The following XPR1 variants were observed in gnomAD, a reference collection of about 807,000 sequenced individuals.
XPR1 encodes the protein xenotropic and polytropic retrovirus receptor 1.
A neutral mutation model predicts 87.5 loss-of-function variants in XPR1; 28 were observed. The ratio of observed to expected loss-of-function variants is 0.32; its 90% CI spans 0.24 to 0.44. The LOEUF is 0.44. XPR1 is among the 20% of genes least tolerant of loss of function. XPR1 has a pLI of 1.00. For missense variants in XPR1, 559 were observed against 862.3 expected (o/e 0.65, Z 4.41); for synonymous variants, 300 against 306.1 (o/e 0.98, Z 0.21).
At chr1:180,769,968 T>G (rs575511149) in intron 2 of XPR1, among the ~76,000 whole-genome samples, 2 of 152,340 alleles carry the variant, frequency 1.3e-5, no homozygotes, top group East Asian at 3.9e-4. Context: ...ATATAAGCCC[T>G]TTTAACTGGG....
chr1:180,765,319 G>A (rs1421061738), intron 2 of XPR1, among the ~76,000 whole-genome samples: 1 of 152,160 alleles, frequency 6.6e-6, no homozygotes, highest in African/African-American at 2.4e-5. Context: ...TTGCCTCAAT[G>A]CCAGCCAATC....
At chr1:180,698,787 T>A (rs1420839045) in intron 2 of XPR1, among the ~76,000 whole-genome samples, 1 of 152,178 alleles carries the variant, frequency 6.6e-6, no homozygotes, top group Admixed American at 6.6e-5. Context: ...GGCATAGTAT[T>A]CTTGGCTGGC....
chr1:180,825,922 TG>T (rs986846795), intron 9 of XPR1, among the ~76,000 whole-genome samples: 4 of 152,130 alleles, frequency 2.6e-5, no homozygotes, highest in African/African-American at 9.7e-5. Context: ...TGGTGGCCCA[TG>T]CCTGTAATCC....
At chr1:180,744,770 C>T (rs1659033089) in intron 2 of XPR1, among the ~76,000 whole-genome samples, 2 of 150,298 alleles carry the variant, frequency 1.3e-5, no homozygotes, top group South Asian at 2.1e-4. Context: ...CCAGCCTTAG[C>T]CTCTTGAGTA....
chr1:180,883,685 G>A (rs1571258894), intron 14 of XPR1, among the ~76,000 whole-genome samples: 1 of 143,958 alleles, frequency 6.9e-6, no homozygotes, highest in Non-Finnish European at 1.5e-5. Flanking sequence ...CTCCAGCCTG[G>A]CGACAGAGCG....
At position 180,884,170 on chromosome 1, in the gene XPR1, A is replaced by C; in HGVS notation, c.*104A>C. On this transcript the variant is annotated 3_prime_UTR_variant, in exon 15 of 15. Coordinates refer to ENST00000367590, the MANE Select transcript of XPR1 (RefSeq NM_004736.4). ...TTTCCAGCCGAAAACAGGAGAAAAC[A>C]CATAACACATTTTCCGAGCTCTTCC... 2 of 942,306 alleles carry C rather than the reference A, an allele frequency of 2.1e-6. No homozygotes were observed. The highest frequency in any genetic ancestry group is 3.2e-6 in the Non-Finnish European group (2 of 629,796). 58.4% of individuals were successfully genotyped at this position (942,306 alleles called of 1,614,324 possible). A position where few individuals can be genotyped will look rare whatever the true frequency, so the allele number is the denominator to read the frequency against.
At chr1:180,753,057 G>A (rs888882144) in intron 2 of XPR1, among the ~76,000 whole-genome samples, 1 of 152,174 alleles carries the variant, frequency 6.6e-6, no homozygotes, top group Non-Finnish European at 1.5e-5. Flanking sequence ...TGTGTTGGCA[G>A]CATGATCTGA....
intron 11 of XPR1, among the ~76,000 whole-genome samples, chr1:180,842,141 G>A (rs185201778): frequency 2.1e-4 from 32 of 152,278 alleles, no homozygotes; most frequent in African/African-American, 7.0e-4. Flanking sequence ...TATGTGTACT[G>A]TTACAAAGGA....
At chr1:180,857,957 C>A (rs990832856) in intron 11 of XPR1, among the ~76,000 whole-genome samples, 1 of 152,168 alleles carries the variant, frequency 6.6e-6, no homozygotes, top group African/African-American at 2.4e-5. Flanking sequence ...TGGCTCACAC[C>A]TGTAATCCCA....
At position 180,632,279 on chromosome 1, in the gene XPR1, A is replaced by G. The variant is rs2101887044; in HGVS notation, c.69+9A>G. 6.2e-7 allele frequency: 1 copy of G among 1,610,366 alleles called. No homozygotes were observed. Among genetic ancestry groups the G allele is most frequent in the African/African-American group, 1.3e-5 (1 of 74,958 alleles). ...AATACATCCAGTATGAGGTACCGGC[A>G]CGGCTGGGGTGTGGGAGGACTCGGA... On this transcript the variant is annotated intron_variant, in intron 1 of 14. Coordinates refer to ENST00000367590, the MANE Select transcript of XPR1 (RefSeq NM_004736.4).
intron 2 of XPR1, among the ~76,000 whole-genome samples, chr1:180,698,254 A>C (rs920878016): frequency 1.3e-5 from 2 of 151,882 alleles, no homozygotes; most frequent in Non-Finnish European, 2.9e-5. Flanking sequence ...ACTCCTGCTC[A>C]CTTTTGGTTT....
chr1:180,710,473 C>G (rs1657725323), intron 2 of XPR1, among the ~76,000 whole-genome samples: 1 of 152,130 alleles, frequency 6.6e-6, no homozygotes, highest in Non-Finnish European at 1.5e-5. Context: ...ATCCCTTTAA[C>G]CCTGAGTGGA....
chr1:180,753,514 A>G (rs1405279399), intron 2 of XPR1, among the ~76,000 whole-genome samples: 3 of 151,850 alleles, frequency 2.0e-5, no homozygotes, highest in South Asian at 2.1e-4. Context: ...AGATCGTGCC[A>G]CTGTACTCCA....
intron 12 of XPR1, among the ~76,000 whole-genome samples, chr1:180,865,210 C>A (rs765101806): frequency 9.9e-5 from 15 of 151,878 alleles, no homozygotes; most frequent in Admixed American, 8.5e-4. Context: ...TAGCAATACC[C>A]CCAATGTGAG....
rs71297873 is a variant in XPR1 at position 180,748,400 on chromosome 1, C to CTTTTTTTTTTTTTTTTTTTTTTTTTT, written c.122-39343_122-39318dup. On this transcript the variant is annotated intron_variant, in intron 2 of 14. Transcript: ENST00000367590. ...TGCTACTCTGTGTTATTATTTATGT[C>CTTTTTTTTTTTTTTTTTTTTTTTTTT]TTTTTTTTTTTTTTTTTTTTTTTTT... Among the ~76,000 whole-genome samples, 13 of 29,678 alleles carry CTTTTTTTTTTTTTTTTTTTTTTTTTT rather than the reference C, an allele frequency of 4.4e-4. 3 individuals carry two copies. Among genetic ancestry groups the CTTTTTTTTTTTTTTTTTTTTTTTTTT allele is most frequent in the African/African-American group, 5.6e-4 (6 of 10,720 alleles). The allele number at this position is 29,678 out of a possible 152,430, so 19.5% of individuals were successfully genotyped here. A position where few individuals can be genotyped will look rare whatever the true frequency, so the allele number is the denominator to read the frequency against.
intron 1 of XPR1, among the ~76,000 whole-genome samples, chr1:180,643,813 T>G (rs748631043): frequency 2.6e-5 from 4 of 152,044 alleles, no homozygotes; most frequent in Non-Finnish European, 5.9e-5. Flanking sequence ...GTAGAACTAT[T>G]AGGACTTTCA....
chr1:180,647,224 G>A lies in XPR1; in HGVS notation c.69+14954G>A, dbSNP rs541773748. Among the ~76,000 whole-genome samples the A allele has an allele frequency of 1.4e-4, 21 of 152,306 alleles. No individual in the cohort carries two copies. In the South Asian group the frequency reaches 3.7e-3, roughly 27 times the overall value. On this transcript the variant is annotated intron_variant, in intron 1 of 14. Transcript: ENST00000367590. ...GCCATAATGTGAGCAATGGGGAGCC[G>A]CTGTAAATATGGATGAAACTTCGCT... is the stretch of plus-strand genomic sequence containing the variant.
At chr1:180,876,645 A>AAAG in intron 13 of XPR1, among the ~76,000 whole-genome samples, 1 of 152,178 alleles carries the variant, frequency 6.6e-6, no homozygotes, top group African/African-American at 2.4e-5. Context: ...CAAAAAAAAA[A>AAAG]AAAGAAAGAA....
chr1:180,648,772 T>C (rs1207430364), intron 1 of XPR1, among the ~76,000 whole-genome samples: 1 of 152,180 alleles, frequency 6.6e-6, no homozygotes. Flanking sequence ...CCTCCCAAAG[T>C]GCTGGAATTA....
Sources: gnomAD v4.1 joint callset for allele counts (sites outside exome capture counted in the v4.1 genomes callset) on GRCh38, gnomAD v4.1.1 for gene constraint, MANE v1.5 for transcripts, NCBI Gene and HGNC (gene_info 2026-07-23, HGNC 2026-07-21) for gene names.